Variants in HAGH observed in about 807,000 individuals in gnomAD.
HAGH encodes hydroxyacylglutathione hydrolase, mitochondrial.
Under a neutral mutation model 35.1 loss-of-function variants are expected in HAGH, and 29 were observed. The observed-to-expected ratio is 0.83, with a 90% CI of 0.62 to 1.13. The LOEUF is 1.13. HAGH is among the 50% of genes most tolerant of loss of function. The pLI is 0.00. For synonymous variants in HAGH, 225 were observed against 176.1 expected, an observed-to-expected ratio of 1.28 and a Z score of -2.20; for missense variants, 478 against 419.6, an observed-to-expected ratio of 1.14 and a Z score of -1.22.
intron 5 of HAGH, chr16:1,818,898 G>A: frequency 1.8e-6 from 1 of 569,122 alleles, no homozygotes; most frequent in South Asian, 2.1e-5. Context: ...CGCCAGCACA[G>A]CCCTTGCTGC....
intron 7 of HAGH, among the ~76,000 whole-genome samples, chr16:1,815,561 G>A (rs1231480603): frequency 2.0e-5 from 3 of 152,190 alleles, no homozygotes; most frequent in Admixed American, 2.0e-4. Context: ...TGGGAAACTA[G>A]AAAGTGACCT....
In HAGH at chr16:1,817,235, T is replaced by G. The variant is rs144037672; in HGVS notation, c.578A>C (p.Tyr193Ser). 9.9e-6 allele frequency: 16 copies of G among 1,613,500 alleles called. No individual in the cohort carries two copies. Among genetic ancestry groups the G allele is most frequent in the Non-Finnish European group, 1.4e-5 (16 of 1,179,508 alleles). Residue 193 changes from tyrosine (Y) to serine (S), a missense_variant, in exon 6 of 9, where the codon TAT becomes TCT. By Grantham distance (144) the Tyr-to-Ser change is moderately radical. Transcript: ENST00000397356. ...TLFVAGCGKF[Y>S]EGTADEMCKA... ...ACACATCTCATCCGCAGTCCCTTCA[T>G]AGAACTTCCCGCAGCCAGCCACAAA... is the stretch of plus-strand genomic sequence containing the variant.
chr16:1,820,881 C>G (rs1192729426), intron 3 of HAGH, among the ~76,000 whole-genome samples: 2 of 152,204 alleles, frequency 1.3e-5, no homozygotes, highest in African/African-American at 2.4e-5. Context: ...TGAGCAAACC[C>G]CACCCCGCTG....
Position 1,809,136 on chromosome 16 carries a change from TAA to T in HAGH, c.*145_*146del. The T allele has an allele frequency of 3.2e-6, 2 of 631,326 alleles. No individual in the cohort carries two copies. The highest frequency in any genetic ancestry group is 5.7e-6 in the Non-Finnish European group (2 of 349,098). 39.1% of individuals were successfully genotyped at this position (631,326 alleles called of 1,614,324 possible). On this transcript the variant is annotated 3_prime_UTR_variant, in exon 9 of 9. Transcript: ENST00000397356. Reference sequence around the variant, plus strand: ...ATAAATACTTGTTAAACTTCTCTTATAAATATGCATTAGAATGTCCGATAACA... The same window carrying T: ...ATAAATACTTGTTAAACTTCTCTTATATATGCATTAGAATGTCCGATAACA...
rs879288336 is a variant in HAGH, at chr16:1,814,950, CACACACATAT to C, written c.747+1933_747+1942del. Among the ~76,000 whole-genome samples, 711 of 126,528 alleles carry C rather than the reference CACACACATAT, an allele frequency of 5.6e-3. 5 individuals are homozygous for C. In the East Asian group the frequency reaches 0.057, roughly 10 times the overall value. 83.0% of individuals were successfully genotyped at this position (126,528 alleles called of 152,430 possible). ...GTATATACACACACACACACACACA[CACACACATAT>C]ATATATATATCTCACAAAGACTTGT... On this transcript the variant is annotated intron_variant, in intron 7 of 8. Coordinates refer to ENST00000397356, the MANE Select transcript of HAGH (RefSeq NM_005326.6).
chr16:1,817,105 G>C, intron 6 of HAGH, 63 bp downstream of exon 6: 1 of 1,354,174 alleles, frequency 7.4e-7, no homozygotes, highest in Non-Finnish European at 1.1e-6. Flanking sequence ...GTGCCAGGAG[G>C]GAGAGCAGCC....
chr16:1,826,299 C>T (rs953136840), intron 1 of HAGH, among the ~76,000 whole-genome samples: 3 of 151,002 alleles, frequency 2.0e-5, no homozygotes, highest in Admixed American at 6.6e-5. Flanking sequence ...CCGCAGGCGG[C>T]GCCGCGAGAC....
rs56316151 is a variant in HAGH, at chr16:1,819,146, G to A, written c.510C>T (p.Pro170=). The change falls in exon 5 of 9, where the codon CCC becomes CCT. Residue 170 remains proline (P), a synonymous_variant. Transcript: ENST00000397356. ...ACACGGCAGGGGGCTCCGAGCCTCC[G>A]GGCTTGCTCACGAAGTAACAAATGT... ...SGHICYFVSK[P]GGSEPPAVFT... is the part of the protein sequence containing the mutation. The A allele has an allele frequency of 0.033, 52,575 of 1,612,512 alleles. 991 individuals carry two copies. Among genetic ancestry groups the A allele is most frequent in the Non-Finnish European group, 0.038 (44,376 of 1,179,042 alleles).
At chr16:1,819,685 G>C in intron 4 of HAGH, 1 of 602,684 alleles carries the variant, frequency 1.7e-6, no homozygotes, top group Admixed American at 2.9e-5. Flanking sequence ...CAGGGTCTCA[G>C]AGCCCTGCTT....
intron 3 of HAGH, 143 bp downstream of exon 3, chr16:1,822,157 C>T (rs1200281909): frequency 1.2e-5 from 8 of 647,666 alleles, no homozygotes; most frequent in East Asian, 8.3e-5. Flanking sequence ...CGGTGAGTCC[C>T]GGGTCTTTCT....
At chr16:1,816,338 G>A (rs73485896) in intron 7 of HAGH, among the ~76,000 whole-genome samples, 16,318 of 151,928 alleles carry the variant, frequency 0.11, 1,125 homozygotes, top group African/African-American at 0.19. Context: ...TCAAAAAACC[G>A]GGTGATTTAT....
chr16:1,820,050 AGCTGAGGGGGCTGCCTGCTG>A (rs754888045), intron 3 of HAGH, 36 bp from the exon 4 acceptor site: 253 of 340,344 alleles, frequency 7.4e-4, no homozygotes, highest in Non-Finnish European at 1.0e-3. Flanking sequence ...CTGCCTGCTG[AGCTGAGGGGGCTGCCTGCTG>A]AGCTGAGGGG....
chr16:1,822,252 C>T (rs778749068), intron 3 of HAGH, 48 bp downstream of exon 3: 19 of 1,286,660 alleles, frequency 1.5e-5, no homozygotes, highest in Admixed American at 3.4e-5. Context: ...CCCACCGGGG[C>T]GAGAAGTGAG....
chr16:1,819,822 A>C lies in HAGH; in HGVS notation c.432+75T>G. ...GTCACTGGGGTAAGGGAGCAGAGAG[A>C]ATGCGGGGAGGGACCCCCCTCCCCC... On this transcript the variant is annotated intron_variant, in intron 4 of 8. Transcript: ENST00000397356. The C allele has an allele frequency of 4.5e-6, 4 of 884,408 alleles. No individual in the cohort carries two copies. In the South Asian group the frequency reaches 5.3e-5, roughly 12 times the overall value. The allele number at this position is 884,408 out of a possible 1,614,324, so 54.8% of individuals were successfully genotyped here. A position where few individuals can be genotyped will look rare whatever the true frequency, so the allele number is the denominator to read the frequency against.
chr16:1,826,710 A>C lies in HAGH; in HGVS notation c.76+2T>G. 1.8e-6 allele frequency: 2 copies of C among 1,097,548 alleles called. No homozygotes were observed. The highest frequency in any genetic ancestry group is 2.2e-6 in the Non-Finnish European group (2 of 902,308). 68.0% of individuals were successfully genotyped at this position (1,097,548 alleles called of 1,614,324 possible). On this transcript the variant is annotated splice_donor_variant, in intron 1 of 8. Transcript: ENST00000397356. LOFTEE classifies it high-confidence loss of function. ...CGGCCCGCACCGCCCCGCCGCACCCACCGAGGCCTCGGCGGGCGCAGGCGG... is the reference window on the plus strand; with the variant it reads ...CGGCCCGCACCGCCCCGCCGCACCCCCCGAGGCCTCGGCGGGCGCAGGCGG...
In HAGH at chr16:1,816,990, A is replaced by G; in HGVS notation, c.650T>C (p.Val217Ala). Residue 217 changes from valine to alanine, a missense_variant, in exon 7 of 9, where the codon GTC becomes GCC. Physicochemically the swap from Val to Ala is moderately conservative, Grantham distance 64. Transcript: ENST00000397356. Reference protein sequence around the residue: ...VLGRLPPDTRVYCGHEYTINN... With the variant: ...VLGRLPPDTRAYCGHEYTINN... ...GATGGTGTACTCGTGGCCACAGTAG[A>G]CTCTCTGAGGAGAGAGGTGACAGGT... is the stretch of plus-strand genomic sequence containing the variant. The G allele has an allele frequency of 1.2e-6, 2 of 1,606,184 alleles. No individual in the cohort carries two copies. Among genetic ancestry groups the G allele is most frequent in the South Asian group, 1.1e-5 (1 of 90,944 alleles).
At chr16:1,813,328 G>A (rs1430435925) in intron 7 of HAGH, among the ~76,000 whole-genome samples, 1 of 152,144 alleles carries the variant, frequency 6.6e-6, no homozygotes, top group Non-Finnish European at 1.5e-5. Context: ...ACCAGGTGCA[G>A]ACGCCCAGGC....
chr16:1,816,465 A>T (rs1200429489), intron 7 of HAGH, among the ~76,000 whole-genome samples: 1 of 152,150 alleles, frequency 6.6e-6, no homozygotes, highest in Non-Finnish European at 1.5e-5. Flanking sequence ...TCGGGGAAAC[A>T]CACCCCTGGA....
upstream of HAGH, chr16:1,826,985 C>T (rs983946746): frequency 3.0e-5 from 19 of 639,042 alleles, no homozygotes; most frequent in African/African-American, 3.1e-4. Flanking sequence ...GGGAGACGGG[C>T]CTGGGAGCGG....
Sources: allele counts gnomAD v4.1 joint callset (sites outside exome capture counted in the v4.1 genomes callset), GRCh38; gene constraint gnomAD v4.1.1; transcripts MANE v1.5; gene names NCBI Gene and HGNC (gene_info 2026-07-23, HGNC 2026-07-21).